Variants in DIP2C observed in about 807,000 individuals in gnomAD.
The protein encoded by DIP2C is disco-interacting protein 2 homolog C.
DIP2C carries 33 observed loss-of-function variants against 192.4 expected under a neutral mutation model. The ratio of observed to expected loss-of-function variants is 0.17; its 90% CI spans 0.13 to 0.23. The LOEUF (loss-of-function observed/expected upper bound fraction) is 0.23, where lower values mean the gene tolerates loss of function less well. Ranked by LOEUF, DIP2C falls within the 10% of genes least tolerant of loss-of-function variation. The pLI, the probability that DIP2C is intolerant of heterozygous loss-of-function variation, is 1.00. For missense variants in DIP2C, 1,537 were observed against 2,110.1 expected, an observed-to-expected ratio of 0.73 and a Z score of 5.32; for synonymous variants, 979 against 864.1, an observed-to-expected ratio of 1.13 and a Z score of -2.33.
At chr10:338,068 A>G (rs564238489) in intron 29 of DIP2C, among the ~76,000 whole-genome samples, 1 of 152,302 alleles carries the variant, frequency 6.6e-6, no homozygotes, top group Admixed American at 6.5e-5. Context: ...CAAAAGCTTC[A>G]AATGTTTTTT....
chr10:571,530 T>G (rs1318030711), intron 1 of DIP2C, among the ~76,000 whole-genome samples: 1 of 149,320 alleles, frequency 6.7e-6, no homozygotes, highest in Admixed American at 6.7e-5. Flanking sequence ...TTCCTCTCCC[T>G]CCCTCATCTC....
intron 17 of DIP2C, among the ~76,000 whole-genome samples, chr10:377,507 T>C (rs766704683): frequency 1.3e-4 from 20 of 152,264 alleles, no homozygotes; most frequent in Admixed American, 8.5e-4. Flanking sequence ...GAAACTACTC[T>C]GTAGTTAGAG....
intron 28 of DIP2C, among the ~76,000 whole-genome samples, chr10:343,843 A>G (rs958529737): frequency 7.9e-5 from 12 of 152,226 alleles, no homozygotes; most frequent in African/African-American, 2.9e-4. Flanking sequence ...CACTGTGTTA[A>G]GCGCTGGAGA....
chr10:650,266 GAC>G, intron 1 of DIP2C: 2 of 716,936 alleles, frequency 2.8e-6, no homozygotes, highest in Non-Finnish European at 5.2e-6. Flanking sequence ...GGCCCGAGGT[GAC>G]ACAGCACTGG....
At chr10:452,763 T>TCTC in intron 3 of DIP2C, among the ~76,000 whole-genome samples, 1 of 151,724 alleles carries the variant, frequency 6.6e-6, no homozygotes, top group Non-Finnish European at 1.5e-5. Context: ...ACTGAGGAGG[T>TCTC]CTCTTATGAC....
At chr10:461,963 A>G (rs1401516968) in intron 3 of DIP2C, among the ~76,000 whole-genome samples, 2 of 152,208 alleles carry the variant, frequency 1.3e-5, no homozygotes, top group Non-Finnish European at 1.5e-5. Context: ...GCAGAAATAA[A>G]TAAGTTCTTT....
rs141159543 is a variant in DIP2C at position 318,202 on chromosome 10, G to A, written c.3925-8110C>T. The stretch of plus-strand genomic sequence containing the variant: ...ACTTTGGTCACCATACATCTCAACC[G>A]TCCTCCTGTATCGGGAGAACTCCTC... On this transcript the variant is annotated intron_variant, in intron 31 of 36. Coordinates refer to ENST00000280886, the MANE Select transcript of DIP2C (RefSeq NM_014974.3). Among the ~76,000 whole-genome samples, 6 of 152,288 alleles carry A rather than the reference G, an allele frequency of 3.9e-5. No homozygotes were observed. The East Asian group carries it at 9.6e-4, about 24-fold the overall frequency.
intron 1 of DIP2C, among the ~76,000 whole-genome samples, chr10:554,124 A>G (rs1021347560): frequency 5.3e-4 from 81 of 152,256 alleles, no homozygotes; most frequent in African/African-American, 1.7e-3. Flanking sequence ...GGCAGGAAAT[A>G]TACATCTTAG....
At chr10:603,617 T>TC (rs1392748909) in intron 1 of DIP2C, among the ~76,000 whole-genome samples, 1 of 152,202 alleles carries the variant, frequency 6.6e-6, no homozygotes, top group East Asian at 1.9e-4. Context: ...TGTTCTGCCA[T>TC]CGTTTGTGTC....
intron 4 of DIP2C, among the ~76,000 whole-genome samples, chr10:427,935 G>A (rs1180516786): frequency 3.3e-5 from 5 of 152,036 alleles, no homozygotes; most frequent in African/African-American, 1.2e-4. Flanking sequence ...GAAATTATAC[G>A]TATACACAAA....
rs1015669284 is a variant in DIP2C, at chr10:276,336, T to C, written c.*989A>G. The C allele has an allele frequency of 1.3e-5, 2 of 152,660 alleles. No homozygotes were observed. Among genetic ancestry groups the C allele is most frequent in the South Asian group, 4.1e-4 (2 of 4,828 alleles). 9.5% of individuals were successfully genotyped at this position (152,660 alleles called of 1,614,324 possible). A position where few individuals can be genotyped will look rare whatever the true frequency, so the allele number is the denominator to read the frequency against. ...AGAAGAAACTTTTAGACAGGGCTCCTGCGGTCTGCGACTGCTGGCAACAGC... is the reference window on the plus strand; with the variant it reads ...AGAAGAAACTTTTAGACAGGGCTCCCGCGGTCTGCGACTGCTGGCAACAGC... On this transcript the variant is annotated 3_prime_UTR_variant, in exon 37 of 37. Coordinates refer to ENST00000280886, the MANE Select transcript of DIP2C (RefSeq NM_014974.3).
intron 18 of DIP2C, among the ~76,000 whole-genome samples, chr10:367,876 G>A (rs755670778): frequency 6.6e-6 from 1 of 152,240 alleles, no homozygotes. Flanking sequence ...CACGGGGTGG[G>A]GGTGCAGGCT....
At chr10:320,833 GATAA>G (rs775349303) in intron 31 of DIP2C, among the ~76,000 whole-genome samples, 2 of 152,226 alleles carry the variant, frequency 1.3e-5, no homozygotes, top group African/African-American at 2.4e-5. Context: ...TGGACATGGT[GATAA>G]ATAATTAAAA....
chr10:512,597 G>A (rs1049210300), intron 1 of DIP2C, among the ~76,000 whole-genome samples: 3 of 151,066 alleles, frequency 2.0e-5, no homozygotes, highest in Admixed American at 2.0e-4. Context: ...AAAACAAAAA[G>A]CAAAAACAAC....
At chr10:617,682 G>A (rs1046996033) in intron 1 of DIP2C, among the ~76,000 whole-genome samples, 30 of 148,176 alleles carry the variant, frequency 2.0e-4, no homozygotes, top group Non-Finnish European at 3.7e-4. Context: ...CCTGCTTGGG[G>A]CGTCTTCCAC....
chr10:413,275 T>C (rs530186621), intron 8 of DIP2C, among the ~76,000 whole-genome samples: 2 of 152,220 alleles, frequency 1.3e-5, no homozygotes, highest in Non-Finnish European at 2.9e-5. Flanking sequence ...GCTTACAGAC[T>C]GTATTAATTG....
chr10:414,733 G>GTATATA (rs1485973532), intron 7 of DIP2C, among the ~76,000 whole-genome samples: 7 of 58,258 alleles, frequency 1.2e-4, no homozygotes, highest in African/African-American at 1.9e-4. Context: ...GTGTGTGTGT[G>GTATATA]TGTGTGTACA....
intron 3 of DIP2C, among the ~76,000 whole-genome samples, chr10:453,711 G>C (rs1969048100): frequency 6.6e-6 from 1 of 152,242 alleles, no homozygotes; most frequent in Non-Finnish European, 1.5e-5. Context: ...TACTGAATGA[G>C]AAAGGAATGA....
intron 3 of DIP2C, among the ~76,000 whole-genome samples, chr10:458,723 G>A (rs1209647531): frequency 1.3e-5 from 2 of 151,248 alleles, no homozygotes; most frequent in Non-Finnish European, 1.5e-5. Flanking sequence ...ATGACAGCAA[G>A]GAGGATATCC....
Sources: gnomAD v4.1 joint callset for allele counts (sites outside exome capture counted in the v4.1 genomes callset) on GRCh38, gnomAD v4.1.1 for gene constraint, MANE v1.5 for transcripts, NCBI Gene and HGNC (gene_info 2026-07-23, HGNC 2026-07-21) for gene names.